The following HMCN2 variants were observed in gnomAD, a reference collection of about 807,000 sequenced individuals.
The protein encoded by HMCN2 is hemicentin 2.
HMCN2 carries 325 observed loss-of-function variants against 377.5 expected under a neutral mutation model. That is an observed-to-expected ratio of 0.86 (90% CI 0.79 to 0.94). The LOEUF (loss-of-function observed/expected upper bound fraction) is 0.94, where lower values mean the gene tolerates loss of function less well. Ranked by LOEUF, HMCN2 falls within the 40% of genes least tolerant of loss-of-function variation. The pLI, the probability that HMCN2 is intolerant of heterozygous loss-of-function variation, is 0.00. For missense variants in HMCN2, 4,543 were observed against 4,725.3 expected, an observed-to-expected ratio of 0.96 and a Z score of 1.13; for synonymous variants, 2,007 against 2,046.8, an observed-to-expected ratio of 0.98 and a Z score of 0.53.
chr9:130,306,631 G>A (rs542134726), intron 12 of HMCN2, among the ~76,000 whole-genome samples, 180 bp from the exon 13 acceptor site: 89 of 144,516 alleles, frequency 6.2e-4, no homozygotes, highest in African/African-American at 2.1e-3. Context: ...CCTTGGGCAA[G>A]TCATCTTACC....
chr9:130,318,469 A>C (rs1837684280), intron 15 of HMCN2, among the ~76,000 whole-genome samples: 1 of 152,218 alleles, frequency 6.6e-6, no homozygotes, highest in African/African-American at 2.4e-5. Flanking sequence ...TGGCCTGCTG[A>C]AGGAGAGACA....
chr9:130,325,772 G>A (rs1442204892), intron 20 of HMCN2, 39 bp from the exon 21 acceptor site: 1 of 152,228 alleles, frequency 6.6e-6, no homozygotes, highest in Non-Finnish European at 1.5e-5. Flanking sequence ...TGGGGCGGAG[G>A]TGTGGGCTTC....
At chr9:130,356,698 C>T (rs1236426181) in intron 34 of HMCN2, among the ~76,000 whole-genome samples, 13 of 152,242 alleles carry the variant, frequency 8.5e-5, no homozygotes, top group Admixed American at 8.5e-4. Flanking sequence ...ATCTGCACTG[C>T]CCAGCCTCTC....
intron 12 of HMCN2, 39 bp from the exon 13 acceptor site, chr9:130,306,772 C>G (rs782458886): frequency 1.1e-5 from 5 of 449,898 alleles, no homozygotes; most frequent in African/African-American, 1.0e-4. Context: ...TGGATCAACC[C>G]CTTTTGTGAC....
In HMCN2 at chr9:130,350,907, A is replaced by G. The variant is rs576010184; in HGVS notation, c.4431-516A>G. On this transcript the variant is annotated intron_variant, in intron 29 of 97. Transcript: ENST00000683500. ...AATAGAGCAAGACTCAGTCTCAAGG[A>G]AAAAAAAAGGTGTGCAGTGTAGTGG... 6.6e-4 allele frequency among the ~76,000 whole-genome samples: 100 copies of G among 151,182 alleles called. 1 individual carries two copies. The highest frequency in any genetic ancestry group is 2.3e-3 in the African/African-American group (95 of 41,218).
At chr9:130,277,723 AC>A (rs1564739204) in intron 1 of HMCN2, among the ~76,000 whole-genome samples, 1 of 151,122 alleles carries the variant, frequency 6.6e-6, no homozygotes, top group African/African-American at 2.4e-5. Context: ...CATCACCACC[AC>A]CACCACCATC....
Position 130,353,086 on chromosome 9 carries a change from C to T in HMCN2, c.4745C>T (p.Thr1582Ile), listed in dbSNP as rs1839819732. Residue 1582 changes from threonine (T) to isoleucine (I), a missense_variant, in exon 31 of 98, where the codon ACT becomes ATT. By Grantham distance (89) the Thr-to-Ile change is moderately conservative (BLOSUM62 -1). This residue lies in a region of HMCN2 where 1,032 missense variants were observed against 1,285.1 expected (regional missense o/e 0.80). Coordinates refer to ENST00000683500, the MANE Select transcript of HMCN2 (RefSeq NM_001291815.2). The part of the protein sequence containing the change: ...LLPTSTKVVY[T>I]RGGRQLQLGR... ...CCCACCAGCACCAAGGTGGTCTACA[C>T]TAGGGGCGGTCGGCAGTTGCAGCTG... 7.7e-7 allele frequency: 1 copy of T among 1,304,244 alleles called. No homozygotes were observed. Among genetic ancestry groups the T allele is most frequent in the Non-Finnish European group, 1.0e-6 (1 of 988,932 alleles). The allele number at this position is 1,304,244 out of a possible 1,614,324, so 80.8% of individuals were successfully genotyped here.
rs547294280 is a variant in HMCN2 at position 130,297,234 on chromosome 9, T to G, written c.1012+440T>G. Reference sequence around the variant, plus strand: ...GATGGCTTACCAAAAAGGAGAGCAGTGCCTTACTCCAAAGGAAGGAATGTC... The same window carrying G: ...GATGGCTTACCAAAAAGGAGAGCAGGGCCTTACTCCAAAGGAAGGAATGTC... On this transcript the variant is annotated intron_variant, in intron 7 of 97. Coordinates refer to ENST00000683500, the MANE Select transcript of HMCN2 (RefSeq NM_001291815.2). 5.9e-5 allele frequency among the ~76,000 whole-genome samples: 9 copies of G among 152,340 alleles called. No homozygotes were observed. In the East Asian group the frequency reaches 1.7e-3, roughly 29 times the overall value.
chr9:130,432,783 G>C (rs1407114893), intron 97 of HMCN2: 2 of 579,238 alleles, frequency 3.5e-6, no homozygotes, highest in Non-Finnish European at 6.1e-6. Flanking sequence ...ACAACCCCAG[G>C]ACAAAACTCA....
intron 8 of HMCN2, among the ~76,000 whole-genome samples, chr9:130,301,545 G>C (rs1290068822): frequency 6.6e-6 from 1 of 152,206 alleles, no homozygotes; most frequent in Non-Finnish European, 1.5e-5. Context: ...GAAATGGGGA[G>C]CCCAAACTGG....
chr9:130,274,980 T>C (rs2131230379), intron 1 of HMCN2, among the ~76,000 whole-genome samples: 2 of 152,298 alleles, frequency 1.3e-5, no homozygotes, highest in South Asian at 4.1e-4. Context: ...AGAGATAAAA[T>C]TGCTTTGTTA....
chr9:130,324,627 A>T (rs1475341393), intron 19 of HMCN2, among the ~76,000 whole-genome samples: 3 of 150,782 alleles, frequency 2.0e-5, no homozygotes, highest in Non-Finnish European at 3.0e-5. Context: ...TGGTTTTTTA[A>T]TTTTTTATTT....
Position 130,299,235 on chromosome 9 carries a change from A to G in HMCN2, c.1223A>G (p.Glu408Gly), listed in dbSNP as rs1554933336. The change falls in exon 8 of 98, where the codon GAG (glutamate) becomes GGG (glycine). Residue 408 changes from glutamate (E) to glycine (G), a missense_variant. Transcript: ENST00000683500. The part of the protein sequence containing the change: ...FYLKVKGKDH[E>G]GNPLLRVSGV... ...CTCAAGGTGAAGGGCAAGGACCATG[A>G]GGGAAACCCCCTCCTTCGTGTCTCT... 2.1e-6 allele frequency: 1 copy of G among 470,820 alleles called. No individual in the cohort carries two copies. The highest frequency in any genetic ancestry group is 4.4e-6 in the Non-Finnish European group (1 of 226,964). The allele number at this position is 470,820 out of a possible 1,614,324, so 29.2% of individuals were successfully genotyped here.
Position 130,385,736 on chromosome 9 carries a change from C to A in HMCN2, c.9283C>A (p.Gln3095Lys). Residue 3095 changes from glutamine to lysine, a missense_variant, in exon 60 of 98, where the codon CAG becomes AAG. This residue lies in a region of HMCN2 where 736 missense variants were observed against 773.2 expected (regional missense o/e 0.95). Transcript: ENST00000683500. ...GCGGACCCAGGCTCTGCGGGGTGGG[C>A]AGAGGCTGGAGATCCAGGAAGCCCA... ...AQRTQALRGGQRLEIQEAQVS... is the reference protein window; with the variant it reads ...AQRTQALRGGKRLEIQEAQVS... The A allele has an allele frequency of 7.7e-7, 1 of 1,304,046 alleles. No homozygotes were observed. The highest frequency in any genetic ancestry group is 1.0e-6 in the Non-Finnish European group (1 of 988,880). 80.8% of individuals were successfully genotyped at this position (1,304,046 alleles called of 1,614,324 possible). A position where few individuals can be genotyped will look rare whatever the true frequency, so the allele number is the denominator to read the frequency against.
In HMCN2 at chr9:130,392,116, C is replaced by T. The variant is rs913617141; in HGVS notation, c.10134C>T (p.Leu3378=). 1 of 988,064 alleles carries T rather than the reference C, an allele frequency of 1.0e-6. No homozygotes were observed. The highest frequency in any genetic ancestry group is 1.7e-5 in the African/African-American group (1 of 57,320). The allele number at this position is 988,064 out of a possible 1,614,324, so 61.2% of individuals were successfully genotyped here. ...RTLLHGSGHT[L]RISKVQLADA... is the part of the protein sequence containing the mutation. ...TCCTCCACGGCTCTGGCCACACCCTCAGGTAGGGGAGACGGTGGACAGGCC... is the reference window on the plus strand; with the variant it reads ...TCCTCCACGGCTCTGGCCACACCCTTAGGTAGGGGAGACGGTGGACAGGCC... Residue 3378 remains leucine, a splice_region_variant and synonymous_variant, in exon 66 of 98, where the codon CTC becomes CTT. Transcript: ENST00000683500.
chr9:130,364,251 G>A lies in HMCN2; in HGVS notation c.6233-463G>A, dbSNP rs150398139. 9.8e-5 allele frequency among the ~76,000 whole-genome samples: 15 copies of A among 152,314 alleles called. No homozygotes were observed. The East Asian group carries it at 2.5e-3, about 26-fold the overall frequency. On this transcript the variant is annotated intron_variant, in intron 40 of 97. Transcript: ENST00000683500. ...GTGCAAGTGGCATCCCCAGGGCCTC[G>A]CATGGCGAGTGAGTGGTGGAGGGCA... is the stretch of plus-strand genomic sequence containing the variant.
At chr9:130,287,551 TAAA>T (rs142931668) in intron 4 of HMCN2, among the ~76,000 whole-genome samples, 2,348 of 93,310 alleles carry the variant, frequency 0.025, 83 homozygotes, top group African/African-American at 0.095. Context: ...AACTCTGTCT[TAAA>T]AAAAAAAAAA....
chr9:130,332,102 A>G (rs1371273200), intron 22 of HMCN2, among the ~76,000 whole-genome samples: 4 of 152,110 alleles, frequency 2.6e-5, no homozygotes, highest in Non-Finnish European at 4.4e-5. Flanking sequence ...GCTCTCTGCA[A>G]GCCAGTGGTG....
Position 130,360,339 on chromosome 9 carries a change from A to T in HMCN2, c.5774-89A>T, listed in dbSNP as rs117804993. The stretch of plus-strand genomic sequence containing the variant: ...GCATCTCTCTTCCTTTCCCCCTTGC[A>T]TCTCTCTTCCTTTCCCCCTTACTTC... On this transcript the variant is annotated intron_variant, in intron 37 of 97. Coordinates refer to ENST00000683500, the MANE Select transcript of HMCN2 (RefSeq NM_001291815.2). The surrounding 1 kb of genome is among the most constrained non-coding windows in gnomAD (Gnocchi z 4.7). The T allele has an allele frequency of 3.1e-3, 1,107 of 351,738 alleles. 6 individuals are homozygous for T. The highest frequency in any genetic ancestry group is 9.8e-3 in the Middle Eastern group (6 of 612). The allele number at this position is 351,738 out of a possible 1,614,324, so 21.8% of individuals were successfully genotyped here.
Sources: allele counts gnomAD v4.1 joint callset (sites outside exome capture counted in the v4.1 genomes callset), GRCh38; gene constraint gnomAD v4.1.1; regional missense constraint gnomAD v4.1.1; non-coding constraint Gnocchi (gnomAD v3.1); transcripts MANE v1.5; gene names NCBI Gene and HGNC (gene_info 2026-07-23, HGNC 2026-07-21).